The following POLR2F variants were observed in gnomAD, a reference collection of about 807,000 sequenced individuals.
POLR2F encodes RNA polymerase II, I and III subunit F.
In POLR2F, 12 loss-of-function variants were observed where a neutral mutation model predicts 22.7. The ratio of observed to expected loss-of-function variants is 0.53; its 90% CI spans 0.34 to 0.86. POLR2F has a LOEUF of 0.86. POLR2F is among the 40% of genes least tolerant of loss of function. POLR2F has a pLI of 0.02. For missense variants in POLR2F, 126 were observed against 171.5 expected (o/e 0.73, Z 1.48); for synonymous variants, 57 against 66.0 (o/e 0.86, Z 0.66).
intron 1 of POLR2F, chr22:37,987,231 G>C: frequency 4.4e-6 from 2 of 456,706 alleles, no homozygotes; most frequent in South Asian, 1.5e-5. Flanking sequence ...CATGGCCCAA[G>C]GAGGCCTTTC....
At chr22:37,971,935 C>T (rs1254147384), downstream of POLR2F, among the ~76,000 whole-genome samples, 1 of 151,842 alleles carries the variant, frequency 6.6e-6, no homozygotes, top group Non-Finnish European at 1.5e-5. Context: ...GGAGAAGTTC[C>T]CATCTGAGGC....
upstream of POLR2F, among the ~76,000 whole-genome samples, chr22:37,985,818 AACACACAC>A (rs60447362): frequency 3.2e-3 from 463 of 143,972 alleles, 2 homozygotes; most frequent in East Asian, 0.013. Context: ...CAGACACTGG[AACACACAC>A]ACACACACAC....
At chr22:38,023,905 G>T (rs1053823116) in intron 1 of POLR2F, among the ~76,000 whole-genome samples, 1 of 144,124 alleles carries the variant, frequency 6.9e-6, no homozygotes, top group Non-Finnish European at 1.5e-5. Context: ...GCAATGGCAT[G>T]ATCTCAGCTC....
Position 37,969,216 on chromosome 22 carries a change from C to T in POLR2F, c.*1501C>T. 1.1e-5 allele frequency: 11 copies of T among 985,328 alleles called. No individual in the cohort carries two copies. The highest frequency in any genetic ancestry group is 1.3e-5 in the Non-Finnish European group (11 of 829,866). The allele number at this position is 985,328 out of a possible 1,614,324, so 61.0% of individuals were successfully genotyped here. On this transcript the variant is annotated 3_prime_UTR_variant, in exon 5 of 5. Coordinates refer to ENST00000442738, the MANE Select transcript of POLR2F (RefSeq NM_021974.5). The stretch of plus-strand genomic sequence containing the variant: ...ACAGAAGGGGTGTTTTTCCTCCTGT[C>T]TTCCTCTTCCCATTCTCCTCTTTTG...
intron 1 of POLR2F, chr22:37,987,265 A>C (rs748886944): frequency 4.4e-6 from 2 of 456,608 alleles, no homozygotes; most frequent in South Asian, 3.1e-5. Context: ...TTTTCCTGGG[A>C]CTCAGCCTGG....
chr22:38,024,242 T>A (rs945915026), intron 1 of POLR2F, among the ~76,000 whole-genome samples: 37 of 152,358 alleles, frequency 2.4e-4, no homozygotes, highest in African/African-American at 8.7e-4. Context: ...GCATAATGTC[T>A]TCAAGTTTCA....
chr22:38,022,567 A>G (rs963145478), intron 1 of POLR2F, among the ~76,000 whole-genome samples: 12 of 151,828 alleles, frequency 7.9e-5, no homozygotes, highest in South Asian at 6.2e-4. Flanking sequence ...AAAAAAAAAA[A>G]AAAAGAAAGA....
At chr22:38,004,474 A>G (rs1023607213) in intron 1 of POLR2F, among the ~76,000 whole-genome samples, 1 of 152,168 alleles carries the variant, frequency 6.6e-6, no homozygotes, top group Non-Finnish European at 1.5e-5. Context: ...TTCTACCTAT[A>G]AGACATGCAT....
intron 1 of POLR2F, among the ~76,000 whole-genome samples, chr22:38,006,656 C>T (rs554952603): frequency 7.9e-5 from 12 of 152,196 alleles, no homozygotes; most frequent in Non-Finnish European, 1.8e-4. Flanking sequence ...TTCCATCCTA[C>T]CTGGTCCATT....
At chr22:37,974,082 C>T (rs1932147623), downstream of POLR2F, 3 of 1,613,902 alleles carry the variant, frequency 1.9e-6, no homozygotes, top group Non-Finnish European at 2.5e-6. The surrounding 1 kb of genome is among the most constrained non-coding windows in gnomAD (Gnocchi z 5.4). Flanking sequence ...TTGCCGAAGT[C>T]GATGTGAGGC....
At chr22:37,999,590 C>T (rs1322689370) in intron 1 of POLR2F, among the ~76,000 whole-genome samples, 1 of 152,142 alleles carries the variant, frequency 6.6e-6, no homozygotes, top group African/African-American at 2.4e-5. Flanking sequence ...ACACCCCTTC[C>T]CCTCCCCAGG....
At chr22:38,002,812 G>A (rs1327041222) in intron 1 of POLR2F, among the ~76,000 whole-genome samples, 2 of 150,836 alleles carry the variant, frequency 1.3e-5, no homozygotes, top group South Asian at 2.1e-4. Context: ...TGCAAGCTCC[G>A]CCTCCTGGGT....
chr22:37,999,942 C>T (rs1328579103), intron 1 of POLR2F, among the ~76,000 whole-genome samples: 1 of 152,164 alleles, frequency 6.6e-6, no homozygotes, highest in Non-Finnish European at 1.5e-5. Context: ...ACTGTGCACA[C>T]CATTTGACTG....
chr22:37,984,022 G>T (rs1432193324), upstream of POLR2F, among the ~76,000 whole-genome samples: 2 of 152,112 alleles, frequency 1.3e-5, no homozygotes, highest in Admixed American at 6.5e-5. This position sits in a 1 kb window ranked among gnomAD's most constrained non-coding sequence, Gnocchi z 4.4. Flanking sequence ...GACTCTAGGT[G>T]GGTGCGTCCC....
At chr22:37,970,235 A>G (rs556353720), downstream of POLR2F, among the ~76,000 whole-genome samples, 52 of 150,198 alleles carry the variant, frequency 3.5e-4, no homozygotes, top group African/African-American at 1.2e-3. Context: ...CGGAGCTTGC[A>G]GTGAGCCGAG....
chr22:37,967,421 C>A (rs929901793), intron 4 of POLR2F: 3 of 1,434,510 alleles, frequency 2.1e-6, no homozygotes, highest in Admixed American at 5.9e-5. Flanking sequence ...GAGGCCTTAC[C>A]AATATTCTGT....
At position 37,959,489 on chromosome 22, in the gene POLR2F, C is replaced by T. The variant is rs1334755847; in HGVS notation, c.221+13C>T. On this transcript the variant is annotated intron_variant, in intron 3 of 4. Coordinates refer to ENST00000442738, the MANE Select transcript of POLR2F (RefSeq NM_021974.5). ...CGCTCCAGATTGCGTGAGTGATTGC[C>T]CCTTCACTGTCTTCTCCATCTGTCA... The T allele has an allele frequency of 6.2e-7, 1 of 1,612,472 alleles. No homozygotes were observed. Among genetic ancestry groups the T allele is most frequent in the Admixed American group, 1.7e-5 (1 of 59,916 alleles).
Position 38,025,959 on chromosome 22 carries a change from T to C in POLR2F, c.213T>C (p.Ser71=), listed in dbSNP as rs1230007534. ...GCTCTGAAATCAATGACTCTGAATC[T>C]AGAAGTCAACCGGAGAATGTGCTCC... The change falls in exon 2 of 3, where the codon TCT becomes TCC. Residue 71 remains serine, a synonymous_variant. Coordinates refer to the POLR2F transcript ENST00000333418. 3 of 628,466 alleles carry C rather than the reference T, an allele frequency of 4.8e-6. No homozygotes were observed. In the Admixed American group the frequency reaches 5.5e-5, roughly 12 times the overall value. The allele number at this position is 628,466 out of a possible 1,614,324, so 38.9% of individuals were successfully genotyped here.
At position 38,024,940 on chromosome 22, in the gene POLR2F, C is replaced by T. The variant is rs138257909; in HGVS notation, c.121-929C>T. ...AGTGGAGGGGAGGGTCTTGCTTCACCCCAGGGGCTGGCTCAACCATTGGTG... is the reference window on the plus strand; with the variant it reads ...AGTGGAGGGGAGGGTCTTGCTTCACTCCAGGGGCTGGCTCAACCATTGGTG... On this transcript the variant is annotated intron_variant, in intron 1 of 2. Coordinates refer to the POLR2F transcript ENST00000333418. Among the ~76,000 whole-genome samples, 416 of 152,076 alleles carry T rather than the reference C, an allele frequency of 2.7e-3. 3 individuals carry two copies. The highest frequency in any genetic ancestry group is 9.7e-3 in the African/African-American group (402 of 41,480).
Sources: allele counts gnomAD v4.1 joint callset (sites outside exome capture counted in the v4.1 genomes callset), GRCh38; gene constraint gnomAD v4.1.1; non-coding constraint Gnocchi (gnomAD v3.1); transcripts MANE v1.5; gene names NCBI Gene and HGNC (gene_info 2026-07-23, HGNC 2026-07-21).